The following CHAF1B variants were observed in gnomAD, a reference collection of about 807,000 sequenced individuals.
CHAF1B encodes the protein chromatin assembly factor 1 subunit B.
Under a neutral mutation model 60.7 loss-of-function variants are expected in CHAF1B, and 10 were observed. That is an observed-to-expected ratio of 0.16 (90% CI 0.10 to 0.28). The LOEUF is 0.28. Ranked by LOEUF, CHAF1B falls within the 10% of genes least tolerant of loss-of-function variation. The pLI, the probability that CHAF1B is intolerant of heterozygous loss-of-function variation, is 1.00. For synonymous variants in CHAF1B, 261 were observed against 266.1 expected (o/e 0.98, Z 0.19); for missense variants, 558 against 708.4 (o/e 0.79, Z 2.41).
chr21:36,409,368 C>A lies in CHAF1B; in HGVS notation c.828-6C>A. On this transcript the variant is annotated splice_polypyrimidine_tract_variant and splice_region_variant and intron_variant, in intron 9 of 13. Coordinates refer to ENST00000314103, the MANE Select transcript of CHAF1B (RefSeq NM_005441.3). ...CCTTTTCCTAACACTGCAATTAATCCATTAGGCCCATCGCTCATCTTCCAT... is the reference window on the plus strand; with the variant it reads ...CCTTTTCCTAACACTGCAATTAATCAATTAGGCCCATCGCTCATCTTCCAT... 6.2e-7 allele frequency: 1 copy of A among 1,608,442 alleles called. No individual in the cohort carries two copies. The highest frequency in any genetic ancestry group is 8.5e-7 in the Non-Finnish European group (1 of 1,175,376).
rs938629454 is a variant in CHAF1B at position 36,409,482 on chromosome 21, A to AGG, written c.919+20_919+21dup. On this transcript the variant is annotated intron_variant, in intron 10 of 13. Transcript: ENST00000314103. ...TGGAAACAGGTATCCTCAGAGCCTC[A>AGG]GGGGTGTGTTATGTTTTCTCTCCGA... is the stretch of plus-strand genomic sequence containing the variant. 3 of 1,592,458 alleles carry AGG rather than the reference A, an allele frequency of 1.9e-6. No homozygotes were observed. In the African/African-American group the frequency reaches 4.0e-5, roughly 21 times the overall value.
At chr21:36,409,621 C>CTACT (rs900857274) in intron 10 of CHAF1B, among the ~76,000 whole-genome samples, 156 bp downstream of exon 10, 14 of 151,870 alleles carry the variant, frequency 9.2e-5, no homozygotes, top group African/African-American at 3.4e-4. Flanking sequence ...ACATTTAAAT[C>CTACT]TATTTATTTA....
At chr21:36,393,081 G>C (rs562946530) in intron 4 of CHAF1B, among the ~76,000 whole-genome samples, 1 of 152,202 alleles carries the variant, frequency 6.6e-6, no homozygotes, top group East Asian at 1.9e-4. Context: ...GCGTGGCGGC[G>C]TGCGCCTGCA....
intron 10 of CHAF1B, 144 bp from the exon 11 acceptor site, chr21:36,411,319 G>C (rs2086276448): frequency 2.2e-6 from 2 of 923,554 alleles, no homozygotes; most frequent in Admixed American, 2.3e-5. Flanking sequence ...TTGCCATGTT[G>C]CTTAGGCAGG....
intron 1 of CHAF1B, among the ~76,000 whole-genome samples, chr21:36,385,723 T>C (rs2086025457): frequency 6.6e-6 from 1 of 151,618 alleles, no homozygotes; most frequent in Admixed American, 6.6e-5. Context: ...GGCCCCCTCT[T>C]CCGGGAGGCT....
At chr21:36,399,426 G>T (rs2086168632) in intron 6 of CHAF1B, 95 bp from the exon 7 acceptor site, 1 of 1,002,366 alleles carries the variant, frequency 1.0e-6, no homozygotes, top group East Asian at 2.4e-5. Context: ...GCTGAAAACT[G>T]TTGCGGTGGT....
chr21:36,407,388 C>T (rs928273884), intron 8 of CHAF1B, among the ~76,000 whole-genome samples: 2 of 151,724 alleles, frequency 1.3e-5, no homozygotes, highest in African/African-American at 4.8e-5. Context: ...AAAAAATACT[C>T]ATTAACAGAG....
At chr21:36,399,036 ATTT>A (rs201186457) in intron 6 of CHAF1B, among the ~76,000 whole-genome samples, 3 of 138,442 alleles carry the variant, frequency 2.2e-5, no homozygotes, top group Admixed American at 7.3e-5. Context: ...TGACTTACCA[ATTT>A]TTTTTTTTTT....
chr21:36,391,519 G>T (rs756994258), intron 3 of CHAF1B, 32 bp from the exon 4 acceptor site: 1 of 1,265,486 alleles, frequency 7.9e-7, no homozygotes, highest in South Asian at 1.2e-5. Context: ...TGTGGGTGAA[G>T]CGTGGATCAC....
At chr21:36,393,821 A>G (rs1452863892) in intron 4 of CHAF1B, among the ~76,000 whole-genome samples, 1 of 152,050 alleles carries the variant, frequency 6.6e-6, no homozygotes, top group Non-Finnish European at 1.5e-5. Flanking sequence ...GAAATTTTGG[A>G]ATCTCATTTT....
At chr21:36,401,260 T>C (rs1368688480) in intron 7 of CHAF1B, among the ~76,000 whole-genome samples, 2 of 148,536 alleles carry the variant, frequency 1.3e-5, no homozygotes, top group African/African-American at 4.9e-5. Flanking sequence ...AGAGCGAAAC[T>C]CTGGCTCAAA....
rs1429656673 is a variant in CHAF1B at position 36,417,715 on chromosome 21, C to T, written c.*1349C>T. Reference sequence around the variant, plus strand: ...TCCTGGGGCTCAAGTAATCCTCCCTCCCCAGCCTCCCAAAGTGTTGGGATT... The same window carrying T: ...TCCTGGGGCTCAAGTAATCCTCCCTTCCCAGCCTCCCAAAGTGTTGGGATT... On this transcript the variant is annotated 3_prime_UTR_variant, in exon 14 of 14. Transcript: ENST00000314103. 1 of 152,116 alleles carries T rather than the reference C, an allele frequency of 6.6e-6. No homozygotes were observed. The highest frequency in any genetic ancestry group is 1.5e-5 in the Non-Finnish European group (1 of 68,046). The allele number at this position is 152,116 out of a possible 1,614,324, so 9.4% of individuals were successfully genotyped here.
chr21:36,415,066 T>A (rs2086307345), intron 12 of CHAF1B, among the ~76,000 whole-genome samples: 1 of 152,204 alleles, frequency 6.6e-6, no homozygotes, highest in African/African-American at 2.4e-5. Flanking sequence ...CGATGACTGG[T>A]TATGGTTTAA....
intron 5 of CHAF1B, among the ~76,000 whole-genome samples, chr21:36,396,465 A>G (rs2086139856): frequency 1.3e-5 from 2 of 151,006 alleles, no homozygotes; most frequent in South Asian, 2.1e-4. Flanking sequence ...ATTCAAGACC[A>G]GCATGGGCAA....
intron 12 of CHAF1B, 143 bp downstream of exon 12, chr21:36,413,458 C>T (rs2086294674): frequency 1.3e-5 from 10 of 785,684 alleles, no homozygotes; most frequent in South Asian, 3.8e-5. Context: ...ACTTCAAATC[C>T]GAGAGTGTCA....
Position 36,409,405 on chromosome 21 carries a change from G to T in CHAF1B, c.859G>T (p.Ala287Ser). Residue 287 changes from alanine (A) to serine (S), a missense_variant, in exon 10 of 14, where the codon GCC becomes TCC. This residue lies in a region of CHAF1B where 325 missense variants were observed against 493.5 expected (regional missense o/e 0.66). Coordinates refer to ENST00000314103, the MANE Select transcript of CHAF1B (RefSeq NM_005441.3). ...PIAHLPCPGK[A>S]TLAVRCCPVY... ...CGCTCATCTTCCATGTCCTGGAAAA[G>T]CCACTCTTGCTGTTCGCTGCTGTCC... is the stretch of plus-strand genomic sequence containing the variant. The T allele has an allele frequency of 6.2e-7, 1 of 1,613,858 alleles. No individual in the cohort carries two copies. The highest frequency in any genetic ancestry group is 8.5e-7 in the Non-Finnish European group (1 of 1,179,910).
chr21:36,403,802 G>A (rs1159171737), intron 8 of CHAF1B, among the ~76,000 whole-genome samples: 1 of 152,190 alleles, frequency 6.6e-6, no homozygotes, highest in African/African-American at 2.4e-5. Flanking sequence ...GCTCATTGCC[G>A]TGGCTCCAGG....
chr21:36,416,357 G>A lies in CHAF1B; in HGVS notation c.1671G>A (p.Leu557=), dbSNP rs1350926187. 1 of 1,613,734 alleles carries A rather than the reference G, an allele frequency of 6.2e-7. No homozygotes were observed. The highest frequency in any genetic ancestry group is 2.2e-5 in the East Asian group (1 of 44,868). ...AAAACAAAGGAGGCACGGAAAGTCT[G>A]GACCCTTGATGGGACCTCGGCTTCT... ...LDENKGGTES[L]DP is the part of the protein sequence containing the mutation. The change falls in exon 14 of 14, where the codon CTG becomes CTA. Residue 557 remains leucine, a synonymous_variant. Coordinates refer to ENST00000314103, the MANE Select transcript of CHAF1B (RefSeq NM_005441.3).
At chr21:36,415,702 C>T (rs745806625) in intron 13 of CHAF1B, 27 of 452,652 alleles carry the variant, frequency 6.0e-5, no homozygotes, top group African/African-American at 2.2e-4. Context: ...GTGTATTATG[C>T]GATGTTTAAC....
Sources: allele counts gnomAD v4.1 joint callset (sites outside exome capture counted in the v4.1 genomes callset), GRCh38; gene constraint gnomAD v4.1.1; regional missense constraint gnomAD v4.1.1; transcripts MANE v1.5; gene names NCBI Gene and HGNC (gene_info 2026-07-23, HGNC 2026-07-21).